CXCL13: variants seen among roughly 807,000 people sequenced by gnomAD.
The protein encoded by CXCL13 is C-X-C motif chemokine ligand 13, also known as C-X-C motif chemokine 13.
Under a neutral mutation model 12.2 loss-of-function variants are expected in CXCL13, and 7 were observed. That is an observed-to-expected ratio of 0.57 (90% CI 0.33 to 1.07). CXCL13 has a LOEUF of 1.07. Among genes scored for constraint, CXCL13 ranks in the 50% least tolerant of loss-of-function variants. The pLI, the probability that CXCL13 is intolerant of heterozygous loss-of-function variation, is 0.04. For synonymous variants in CXCL13, 47 were observed against 42.4 expected, an observed-to-expected ratio of 1.11 and a Z score of -0.42; for missense variants, 113 against 127.4, an observed-to-expected ratio of 0.89 and a Z score of 0.55.
At chr4:77,518,765 A>T (rs1400556812) in intron 1 of CXCL13, among the ~76,000 whole-genome samples, 2 of 151,940 alleles carry the variant, frequency 1.3e-5, no homozygotes, top group Non-Finnish European at 2.9e-5. Context: ...TCATAGTTTG[A>T]TTGTCTGAAG....
intron 1 of CXCL13, among the ~76,000 whole-genome samples, chr4:77,530,858 T>G (rs1381926542): frequency 1.3e-5 from 2 of 152,048 alleles, no homozygotes; most frequent in Non-Finnish European, 2.9e-5. Context: ...TTCTTTTAAT[T>G]GTGATGTTAG....
intron 1 of CXCL13, among the ~76,000 whole-genome samples, chr4:77,518,426 G>A (rs1256054881): frequency 1.3e-5 from 2 of 152,132 alleles, no homozygotes; most frequent in Non-Finnish European, 2.9e-5. Context: ...TCACTTTCAG[G>A]TACACCAATG....
chr4:77,600,411 A>G (rs557249530), intron 1 of CXCL13, among the ~76,000 whole-genome samples: 4 of 152,342 alleles, frequency 2.6e-5, no homozygotes, highest in Admixed American at 6.5e-5. Flanking sequence ...TCAAAATTGC[A>G]TAAGGGTTCT....
Position 77,610,708 on chromosome 4 carries a change from A to C in CXCL13, c.278+14A>C. On this transcript the variant is annotated intron_variant, in intron 3 of 3. Coordinates refer to ENST00000682537, the MANE Select transcript of CXCL13 (RefSeq NM_001371558.1). The stretch of plus-strand genomic sequence containing the variant: ...AGTATTGAGAAAGTAAGTTAGGCAT[A>C]ACAAGGGGTTTCAGATTCCAACTTG... The C allele has an allele frequency of 6.3e-7, 1 of 1,593,626 alleles. No homozygotes were observed. The highest frequency in any genetic ancestry group is 1.1e-5 in the South Asian group (1 of 90,672).
intron 1 of CXCL13, among the ~76,000 whole-genome samples, chr4:77,543,084 A>G (rs529911595): frequency 7.2e-5 from 11 of 152,126 alleles, no homozygotes; most frequent in African/African-American, 2.6e-4. Context: ...GCCTGATTCA[A>G]TCTTGGGAGA....
chr4:77,610,374 G>T (rs1352859108), intron 2 of CXCL13, among the ~76,000 whole-genome samples: 1 of 152,080 alleles, frequency 6.6e-6, no homozygotes, highest in Non-Finnish European at 1.5e-5. Flanking sequence ...CCTCTGACAT[G>T]TGAGGCCCTC....
chr4:77,585,596 T>C (rs1348711279), intron 1 of CXCL13, among the ~76,000 whole-genome samples: 1 of 152,168 alleles, frequency 6.6e-6, no homozygotes, highest in African/African-American at 2.4e-5. Context: ...CTCCTTTCCT[T>C]TCCTACACCA....
At chr4:77,517,807 AT>A (rs1268556188) in intron 1 of CXCL13, among the ~76,000 whole-genome samples, 5 of 152,152 alleles carry the variant, frequency 3.3e-5, no homozygotes, top group African/African-American at 9.7e-5. Flanking sequence ...GTCCATTTAC[AT>A]TTAAAGTTAA....
intron 1 of CXCL13, among the ~76,000 whole-genome samples, chr4:77,561,718 G>A (rs1725818804): frequency 6.6e-6 from 1 of 152,192 alleles, no homozygotes; most frequent in Admixed American, 6.5e-5. Context: ...AGAGGTGATG[G>A]TGTGCTGGCA....
chr4:77,543,097 G>T (rs2109802106), intron 1 of CXCL13, among the ~76,000 whole-genome samples: 1 of 152,210 alleles, frequency 6.6e-6, no homozygotes, highest in South Asian at 2.1e-4. Flanking sequence ...TTGGGAGATT[G>T]TGTGTTTCTG....
intron 1 of CXCL13, among the ~76,000 whole-genome samples, chr4:77,544,784 C>T (rs547073098): frequency 9.2e-5 from 14 of 152,148 alleles, no homozygotes; most frequent in Non-Finnish European, 2.1e-4. Flanking sequence ...GCTTTTGTTG[C>T]CATTGCTTTT....
At chr4:77,564,155 A>G (rs1167347292) in intron 1 of CXCL13, among the ~76,000 whole-genome samples, 3 of 152,248 alleles carry the variant, frequency 2.0e-5, no homozygotes, top group Non-Finnish European at 4.4e-5. Context: ...TTTTCATGAT[A>G]CAAGCAAGAG....
At chr4:77,591,094 G>T (rs1424862866) in intron 1 of CXCL13, among the ~76,000 whole-genome samples, 2 of 152,078 alleles carry the variant, frequency 1.3e-5, no homozygotes, top group African/African-American at 2.4e-5. Flanking sequence ...GGCTAGGCTG[G>T]TCTCAAACTC....
chr4:77,527,313 C>T (rs887751343), intron 1 of CXCL13, among the ~76,000 whole-genome samples: 4 of 152,130 alleles, frequency 2.6e-5, no homozygotes. Flanking sequence ...AATGATACAG[C>T]CACTCTGGAA....
chr4:77,537,531 G>A (rs1040310018), intron 1 of CXCL13, among the ~76,000 whole-genome samples: 1 of 152,198 alleles, frequency 6.6e-6, no homozygotes, highest in Non-Finnish European at 1.5e-5. Context: ...GATATAGTGA[G>A]GAGCATGCTT....
intron 1 of CXCL13, among the ~76,000 whole-genome samples, chr4:77,525,576 C>T (rs1048017965): frequency 5.9e-5 from 9 of 151,350 alleles, no homozygotes; most frequent in Middle Eastern, 3.5e-3. Context: ...CAGCAAAATG[C>T]GTGAATGTTT....
At position 77,552,050 on chromosome 4, in the gene CXCL13, C is replaced by T. The variant is rs554250601; in HGVS notation, c.-43+40262C>T. On this transcript the variant is annotated intron_variant, in intron 1 of 4. Transcript: ENST00000286758. Reference sequence around the variant, plus strand: ...TCTTGTATCTCATTGAACTTCCTAACAATCTATCCTTTGAATTATTTATCT... The same window carrying T: ...TCTTGTATCTCATTGAACTTCCTAATAATCTATCCTTTGAATTATTTATCT... 1.5e-3 allele frequency among the ~76,000 whole-genome samples: 233 copies of T among 152,240 alleles called. 2 individuals are homozygous for T. The highest frequency in any genetic ancestry group is 1.6e-3 in the Non-Finnish European group (108 of 68,030).
chr4:77,566,889 G>A (rs897412267), intron 1 of CXCL13, among the ~76,000 whole-genome samples: 11 of 152,054 alleles, frequency 7.2e-5, no homozygotes, highest in African/African-American at 1.9e-4. Flanking sequence ...TTTGGGTGTC[G>A]GGCCTCTGAG....
upstream of CXCL13, among the ~76,000 whole-genome samples, chr4:77,605,258 T>C (rs1308457372): frequency 6.6e-6 from 1 of 152,140 alleles, no homozygotes; most frequent in East Asian, 1.9e-4. Flanking sequence ...ATTATATAAG[T>C]AATCATATAT....
Sources: gnomAD v4.1 joint callset for allele counts (sites outside exome capture counted in the v4.1 genomes callset) on GRCh38, gnomAD v4.1.1 for gene constraint, MANE v1.5 for transcripts, NCBI Gene and HGNC (gene_info 2026-07-23, HGNC 2026-07-21) for gene names.